The following OSBPL10 variants were observed in gnomAD, a reference collection of about 807,000 sequenced individuals.
The protein encoded by OSBPL10 is oxysterol-binding protein-related protein 10.
OSBPL10 carries 49 observed loss-of-function variants against 81.7 expected under a neutral mutation model. That is an observed-to-expected ratio of 0.60 (90% confidence interval 0.48 to 0.76). The LOEUF is 0.76. Among genes scored for constraint, OSBPL10 ranks in the 30% least tolerant of loss-of-function variants. The pLI is 0.00. For missense variants in OSBPL10, 923 were observed against 987.8 expected (o/e 0.93, Z 0.88); for synonymous variants, 419 against 383.6 (o/e 1.09, Z -1.08).
intron 2 of OSBPL10, among the ~76,000 whole-genome samples, chr3:32,041,597 C>T (rs941928869): frequency 1.3e-5 from 2 of 152,124 alleles, no homozygotes; most frequent in Non-Finnish European, 2.9e-5. Flanking sequence ...ATTGATGCCT[C>T]TCTTGTGGAA....
intron 4 of OSBPL10, among the ~76,000 whole-genome samples, chr3:31,782,966 C>T (rs1698735734): frequency 6.6e-6 from 1 of 151,860 alleles, no homozygotes; most frequent in Non-Finnish European, 1.5e-5. Flanking sequence ...GAAGTCATTA[C>T]ATGAAAAAGA....
chr3:31,928,762 C>CCAAAAAAAAAAAAAAAAAAAAAA (rs768296819), intron 1 of OSBPL10, among the ~76,000 whole-genome samples: 4 of 95,064 alleles, frequency 4.2e-5, no homozygotes, highest in African/African-American at 1.3e-4. Context: ...GACTTGTCTC[C>CCAAAAAAAAAAAAAAAAAAAAAA]AAAAAAAAAA....
intron 4 of OSBPL10, among the ~76,000 whole-genome samples, chr3:31,828,034 C>T (rs1700142081): frequency 6.6e-6 from 1 of 152,170 alleles, no homozygotes; most frequent in African/African-American, 2.4e-5. Flanking sequence ...GGCTTCCTAT[C>T]ATTTATAACA....
chr3:31,834,846 C>T (rs537053197), intron 3 of OSBPL10, among the ~76,000 whole-genome samples: 1 of 152,266 alleles, frequency 6.6e-6, no homozygotes, highest in East Asian at 1.9e-4. Context: ...CTTCTCAAGT[C>T]AACTGCCTGA....
At chr3:31,956,012 G>C (rs975726909) in intron 1 of OSBPL10, among the ~76,000 whole-genome samples, 1 of 152,238 alleles carries the variant, frequency 6.6e-6, no homozygotes, top group Non-Finnish European at 1.5e-5. Context: ...CCATGCTATA[G>C]ATGGGAATTG....
chr3:31,847,428 A>G (rs1201823788), intron 3 of OSBPL10, among the ~76,000 whole-genome samples: 1 of 151,988 alleles, frequency 6.6e-6, no homozygotes, highest in Non-Finnish European at 1.5e-5. Context: ...ACCTCAGGTG[A>G]TCCACCCACC....
chr3:32,046,547 T>C (rs1699623869), exon 2 of OSBPL10: 1 of 152,210 alleles, frequency 6.6e-6, no homozygotes, highest in Non-Finnish European at 1.5e-5. Flanking sequence ...TATTTCCTAT[T>C]AAATAAATGT....
chr3:31,902,253 TC>T (rs1480079147), intron 1 of OSBPL10, among the ~76,000 whole-genome samples: 10 of 137,358 alleles, frequency 7.3e-5, no homozygotes, highest in Non-Finnish European at 1.1e-4. Context: ...CTGCTTCTTG[TC>T]AGTATTTTTT....
chr3:31,919,042 A>G (rs994410068), intron 1 of OSBPL10, among the ~76,000 whole-genome samples: 3 of 151,944 alleles, frequency 2.0e-5, no homozygotes. Context: ...ACATCCTGCA[A>G]CTCCTGAAGA....
At chr3:32,024,648 C>A (rs188149315) in intron 2 of OSBPL10, among the ~76,000 whole-genome samples, 1 of 151,882 alleles carries the variant, frequency 6.6e-6, no homozygotes, top group Admixed American at 6.6e-5. Flanking sequence ...CCATGCTAGG[C>A]GAATTTTTGT....
rs1697548915 is a variant in OSBPL10, at chr3:31,747,060, C to A, written c.940+850G>T. Among the ~76,000 whole-genome samples the A allele has an allele frequency of 2.6e-5, 4 of 152,156 alleles. No homozygotes were observed. The South Asian group carries it at 8.3e-4, about 32-fold the overall frequency. On this transcript the variant is annotated intron_variant, in intron 5 of 11. Transcript: ENST00000396556. ...AATAAAAATAAGAAGTGGGGCCAGG[C>A]ACAGTGGCTCACACCTGTAATCCCA...
intron 3 of OSBPL10, among the ~76,000 whole-genome samples, chr3:31,832,459 G>A (rs1370948812): frequency 6.6e-6 from 1 of 152,116 alleles, no homozygotes; most frequent in African/African-American, 2.4e-5. Flanking sequence ...TAGATAATGT[G>A]GAAATCATCT....
At chr3:32,016,980 C>G (rs1699318260) in intron 2 of OSBPL10, among the ~76,000 whole-genome samples, 1 of 152,124 alleles carries the variant, frequency 6.6e-6, no homozygotes, top group African/African-American at 2.4e-5. Flanking sequence ...TCCTTATTTC[C>G]TTGAAAATAT....
Position 31,783,788 on chromosome 3 carries a change from TTAAAAAAA to T in OSBPL10, c.730-35676_730-35669del, listed in dbSNP as rs1388880552. 5.9e-3 allele frequency among the ~76,000 whole-genome samples: 111 copies of T among 18,874 alleles called. 7 individuals are homozygous for T. Among genetic ancestry groups the T allele is most frequent in the Admixed American group, 0.033 (31 of 934 alleles). 12.4% of individuals were successfully genotyped at this position (18,874 alleles called of 152,430 possible). ...ACTGGGTGACAGAGCAAGACTCCGA[TTAAAAAAA>T]AAAAAAAAAAAAAAAAAAAAAAAAA... On this transcript the variant is annotated intron_variant, in intron 4 of 11. Transcript: ENST00000396556.
intron 4 of OSBPL10, among the ~76,000 whole-genome samples, chr3:31,756,225 C>T (rs1157347246): frequency 6.6e-6 from 1 of 152,202 alleles, no homozygotes. Context: ...TACACTCTGA[C>T]ACATGCTCCT....
intron 3 of OSBPL10, among the ~76,000 whole-genome samples, chr3:31,860,583 T>C (rs1376674404): frequency 1.3e-5 from 2 of 152,232 alleles, no homozygotes; most frequent in African/African-American, 4.8e-5. Flanking sequence ...TCTGATGACC[T>C]GACCCACCAC....
At chr3:31,830,536 G>C (rs1298586392) in intron 3 of OSBPL10, among the ~76,000 whole-genome samples, 1 of 152,092 alleles carries the variant, frequency 6.6e-6, no homozygotes. Flanking sequence ...CGCTCATGGA[G>C]CTCTGCCTCT....
chr3:32,041,580 G>C (rs1431702122), intron 2 of OSBPL10, among the ~76,000 whole-genome samples: 1 of 152,016 alleles, frequency 6.6e-6, no homozygotes, highest in African/African-American at 2.4e-5. Context: ...AATCTGAGCT[G>C]GCCAACATTG....
chr3:31,735,788 ACT>A (rs1441792890), intron 5 of OSBPL10, among the ~76,000 whole-genome samples: 3 of 151,766 alleles, frequency 2.0e-5, no homozygotes, highest in East Asian at 3.9e-4. Flanking sequence ...CCCCAAAGGC[ACT>A]CTCTGTCATA....
Sources: gnomAD v4.1 joint callset for allele counts (sites outside exome capture counted in the v4.1 genomes callset) on GRCh38, gnomAD v4.1.1 for gene constraint, MANE v1.5 for transcripts, NCBI Gene and HGNC (gene_info 2026-07-23, HGNC 2026-07-21) for gene names.